The following ADGRV1 variants were observed in gnomAD, a reference collection of about 807,000 sequenced individuals.
ADGRV1 encodes the protein G-protein coupled receptor 98.
In ADGRV1, 359 loss-of-function variants were observed where a neutral mutation model predicts 596.2. The observed-to-expected ratio is 0.60, with a 90% CI of 0.55 to 0.66. ADGRV1 has a LOEUF of 0.66. Among genes scored for constraint, ADGRV1 ranks in the 30% least tolerant of loss-of-function variants. The pLI is 0.00. For synonymous variants in ADGRV1, 2,681 were observed against 2,679.2 expected, an observed-to-expected ratio of 1.00 and a Z score of -0.02; for missense variants, 7,274 against 7,575.6, an observed-to-expected ratio of 0.96 and a Z score of 1.48.
intron 20 of ADGRV1, chr5:90,654,260 T>C (rs1561465788): frequency 2.8e-6 from 1 of 362,914 alleles, no homozygotes; most frequent in Non-Finnish European, 5.2e-6. Context: ...ATGTTTGTCC[T>C]TCTGTGGGTA....
chr5:90,681,237 G>A (rs1026715373), intron 26 of ADGRV1, 78 bp from the exon 27 acceptor site: 2 of 1,517,006 alleles, frequency 1.3e-6, no homozygotes, highest in African/African-American at 1.4e-5. Context: ...TCAAAAAGTT[G>A]TTCCTTGGCT....
At chr5:90,671,989 G>C (rs1772540129) in intron 21 of ADGRV1, among the ~76,000 whole-genome samples, 1 of 152,050 alleles carries the variant, frequency 6.6e-6, no homozygotes, top group South Asian at 2.1e-4. Flanking sequence ...CCCACACTAG[G>C]CATCTCTCAA....
chr5:91,067,746 C>T (rs1581953755), intron 85 of ADGRV1, among the ~76,000 whole-genome samples: 3 of 152,136 alleles, frequency 2.0e-5, no homozygotes, highest in Non-Finnish European at 1.5e-5. Flanking sequence ...GTGAAACCTA[C>T]CTGTGTTTCT....
intron 87 of ADGRV1, among the ~76,000 whole-genome samples, chr5:91,103,332 T>A (rs1791558514): frequency 6.6e-6 from 1 of 151,892 alleles, no homozygotes; most frequent in Non-Finnish European, 1.5e-5. Context: ...AGGTGAGCAC[T>A]TACTATTGCC....
intron 83 of ADGRV1, among the ~76,000 whole-genome samples, chr5:90,912,964 G>A (rs576263752): frequency 2.0e-4 from 30 of 152,058 alleles, no homozygotes; most frequent in Non-Finnish European, 3.8e-4. Flanking sequence ...CTTTGATGTT[G>A]GGGTTCGAAA....
intron 85 of ADGRV1, among the ~76,000 whole-genome samples, chr5:91,065,740 G>GATA (rs1447112303): frequency 3.3e-5 from 5 of 152,218 alleles, no homozygotes; most frequent in African/African-American, 1.2e-4. Flanking sequence ...ACCGAGGAGA[G>GATA]ATAATAATCT....
At chr5:91,035,187 AC>A (rs1412998249) in intron 85 of ADGRV1, among the ~76,000 whole-genome samples, 1 of 151,982 alleles carries the variant, frequency 6.6e-6, no homozygotes, top group Non-Finnish European at 1.5e-5. Context: ...TATGCCATCA[AC>A]CCTTTTTTAT....
chr5:90,819,962 G>T (rs1219728621), intron 75 of ADGRV1, among the ~76,000 whole-genome samples: 1 of 150,724 alleles, frequency 6.6e-6, no homozygotes, highest in African/African-American at 2.4e-5. Flanking sequence ...TTCAATTCCT[G>T]GGTATCCTTG....
chr5:90,558,857 G>A lies in ADGRV1; in HGVS notation c.-39G>A. The A allele has an allele frequency of 6.4e-7, 1 of 1,558,996 alleles. No individual in the cohort carries two copies. The highest frequency in any genetic ancestry group is 1.2e-5 in the South Asian group (1 of 84,900). Reference sequence around the variant, plus strand: ...GACGGGAGTCAGAGGCAGAGCGAGGGTGTGTGGAGGGCCGGCGGGGACCGC... The same window carrying A: ...GACGGGAGTCAGAGGCAGAGCGAGGATGTGTGGAGGGCCGGCGGGGACCGC... On this transcript the variant is annotated 5_prime_UTR_variant, in exon 1 of 90. The change creates a new upstream start codon in the 5' untranslated region. Coordinates refer to ENST00000405460, the MANE Select transcript of ADGRV1 (RefSeq NM_032119.4).
At chr5:91,077,718 G>A (rs1262141972) in intron 86 of ADGRV1, among the ~76,000 whole-genome samples, 1 of 152,194 alleles carries the variant, frequency 6.6e-6, no homozygotes, top group Non-Finnish European at 1.5e-5. Flanking sequence ...TCCCTTCAGT[G>A]GGTGGATGTG....
At chr5:90,930,228 T>A (rs148720522) in intron 83 of ADGRV1, among the ~76,000 whole-genome samples, 19 of 152,228 alleles carry the variant, frequency 1.2e-4, no homozygotes, top group Non-Finnish European at 2.6e-4. Flanking sequence ...TGTTCTACTT[T>A]CTTATTAGAA....
At chr5:90,652,642 G>A (rs532806167) in intron 19 of ADGRV1, 79 bp downstream of exon 19, 6 of 893,938 alleles carry the variant, frequency 6.7e-6, no homozygotes, top group Non-Finnish European at 9.9e-6. Flanking sequence ...TAGATAATTA[G>A]AGCCATATAC....
chr5:90,842,235 T>C (rs1235127839), intron 78 of ADGRV1, among the ~76,000 whole-genome samples: 1 of 152,214 alleles, frequency 6.6e-6, no homozygotes, highest in Non-Finnish European at 1.5e-5. Flanking sequence ...TGTCAGATAG[T>C]ACATCTTGAC....
intron 72 of ADGRV1, among the ~76,000 whole-genome samples, chr5:90,806,305 C>T (rs1234955053): frequency 1.3e-5 from 2 of 152,184 alleles, no homozygotes; most frequent in Non-Finnish European, 2.9e-5. Context: ...GATTGAGAGA[C>T]ACCATAGTGT....
chr5:90,905,290 G>A lies in ADGRV1; in HGVS notation c.17856+41433G>A, dbSNP rs146360641. ...TGTGAAGAATGTCATTGGTATTTTC[G>A]TAGGAATTGCATTCAGTTTTTAGAT... On this transcript the variant is annotated intron_variant, in intron 83 of 89. Coordinates refer to ENST00000405460, the MANE Select transcript of ADGRV1 (RefSeq NM_032119.4). Among the ~76,000 whole-genome samples, 191 of 151,890 alleles carry A rather than the reference G, an allele frequency of 1.3e-3. 1 individual carries two copies. Among genetic ancestry groups the A allele is most frequent in the African/African-American group, 4.4e-3 (184 of 41,486 alleles).
Position 91,035,637 on chromosome 5 carries a change from A to G in ADGRV1, c.18153-36810A>G, listed in dbSNP as rs78215775. The stretch of plus-strand genomic sequence containing the variant: ...AAAAATATCTTGAATTGAGAAACCA[A>G]TGTAGCTTGGATATGAATGATATAG... On this transcript the variant is annotated intron_variant, in intron 85 of 89. Transcript: ENST00000405460. Among the ~76,000 whole-genome samples the G allele has an allele frequency of 2.8e-4, 42 of 151,568 alleles. 1 individual carries two copies. In the East Asian group the frequency reaches 7.5e-3, roughly 27 times the overall value.
chr5:91,087,750 C>T (rs756520231), intron 86 of ADGRV1, among the ~76,000 whole-genome samples: 9 of 152,130 alleles, frequency 5.9e-5, no homozygotes, highest in Non-Finnish European at 8.8e-5. Flanking sequence ...ATCCACAAAA[C>T]CTTATTTGGG....
At chr5:91,027,421 G>A (rs1784108104) in intron 85 of ADGRV1, among the ~76,000 whole-genome samples, 1 of 152,104 alleles carries the variant, frequency 6.6e-6, no homozygotes, top group South Asian at 2.1e-4. Flanking sequence ...GATACAGTGA[G>A]TGTATTTCCT....
chr5:90,883,367 A>G (rs1769976878), intron 83 of ADGRV1, among the ~76,000 whole-genome samples: 1 of 152,172 alleles, frequency 6.6e-6, no homozygotes, highest in Non-Finnish European at 1.5e-5. Flanking sequence ...TTAAATAACA[A>G]TCTAATTTCT....
Sources: allele counts gnomAD v4.1 joint callset (sites outside exome capture counted in the v4.1 genomes callset), GRCh38; gene constraint gnomAD v4.1.1; transcripts MANE v1.5; gene names NCBI Gene and HGNC (gene_info 2026-07-23, HGNC 2026-07-21).